CAMKMT: variants seen among roughly 807,000 people sequenced by gnomAD.
CAMKMT encodes CaM KMT.
Under a neutral mutation model 48.0 loss-of-function variants are expected in CAMKMT, and 53 were observed. The observed-to-expected ratio is 1.10, with a 90% CI of 0.89 to 1.39. The LOEUF (loss-of-function observed/expected upper bound fraction) is 1.39. CAMKMT is among the 40% of genes most tolerant of loss of function. CAMKMT has a pLI of 0.00. For synonymous variants in CAMKMT, 165 were observed against 152.3 expected, an observed-to-expected ratio of 1.08 and a Z score of -0.61; for missense variants, 428 against 402.7, an observed-to-expected ratio of 1.06 and a Z score of -0.54.
intron 3 of CAMKMT, among the ~76,000 whole-genome samples, chr2:44,569,424 A>G (rs1668789505): frequency 6.6e-6 from 1 of 152,120 alleles, no homozygotes; most frequent in Non-Finnish European, 1.5e-5. Flanking sequence ...TCTGAAAATC[A>G]TTTTCTTTTT....
At chr2:44,625,936 A>G (rs1672456506) in intron 3 of CAMKMT, among the ~76,000 whole-genome samples, 1 of 152,176 alleles carries the variant, frequency 6.6e-6, no homozygotes, top group East Asian at 1.9e-4. Flanking sequence ...TAAATCAGGT[A>G]CTGTAAGTCA....
intron 1 of CAMKMT, among the ~76,000 whole-genome samples, chr2:44,368,254 G>A (rs1043119116): frequency 2.6e-5 from 4 of 152,142 alleles, no homozygotes; most frequent in Admixed American, 6.5e-5. Flanking sequence ...ATGGGTATTT[G>A]AAGGAGGTCT....
intron 3 of CAMKMT, among the ~76,000 whole-genome samples, chr2:44,694,545 A>G (rs1194722171): frequency 6.6e-6 from 1 of 152,224 alleles, no homozygotes; most frequent in East Asian, 1.9e-4. Flanking sequence ...CCTGGCTGAC[A>G]GAGTGAGATC....
chr2:44,497,523 C>T (rs1669804456), intron 3 of CAMKMT, among the ~76,000 whole-genome samples: 1 of 151,916 alleles, frequency 6.6e-6, no homozygotes, highest in Non-Finnish European at 1.5e-5. Context: ...AAAAAACAAA[C>T]ATATTTGTAT....
chr2:44,715,387 T>C, intron 7 of CAMKMT, 34 bp downstream of exon 7: 1 of 1,510,430 alleles, frequency 6.6e-7, no homozygotes. Flanking sequence ...AAATTCCCAT[T>C]GAAATTGCTT....
chr2:44,526,569 C>G (rs1410214200), intron 3 of CAMKMT, among the ~76,000 whole-genome samples: 2 of 152,166 alleles, frequency 1.3e-5, no homozygotes, highest in African/African-American at 4.8e-5. Context: ...TCCGAAGGTC[C>G]AAGAACTGGG....
chr2:44,492,970 T>C, intron 3 of CAMKMT, among the ~76,000 whole-genome samples: 1 of 151,606 alleles, frequency 6.6e-6, no homozygotes. Context: ...CTTAGCTCAC[T>C]GCAACCTCCA....
intron 2 of CAMKMT, among the ~76,000 whole-genome samples, chr2:44,385,523 G>A (rs1680705345): frequency 6.6e-6 from 1 of 151,538 alleles, no homozygotes; most frequent in South Asian, 2.1e-4. Context: ...GAAGAGCAGT[G>A]GTGAGAGTGG....
At chr2:44,540,412 C>T (rs1462204418) in intron 3 of CAMKMT, among the ~76,000 whole-genome samples, 1 of 152,094 alleles carries the variant, frequency 6.6e-6, no homozygotes, top group African/African-American at 2.4e-5. Flanking sequence ...ACCAGTGAGT[C>T]CTCCAGGGAA....
At chr2:44,722,644 A>G (rs1678534959) in intron 7 of CAMKMT, among the ~76,000 whole-genome samples, 3 of 152,310 alleles carry the variant, frequency 2.0e-5, no homozygotes, top group African/African-American at 4.8e-5. Flanking sequence ...ACTGCACTTG[A>G]AAGTATGTAA....
chr2:44,730,763 A>C (rs1213821748), intron 7 of CAMKMT, among the ~76,000 whole-genome samples: 2 of 152,238 alleles, frequency 1.3e-5, no homozygotes, highest in Non-Finnish European at 2.9e-5. Context: ...TAAACACTGT[A>C]AATGACTTGA....
At chr2:44,372,686 A>T in intron 1 of CAMKMT, 30 bp from the exon 2 acceptor site, 2 of 1,597,712 alleles carry the variant, frequency 1.3e-6, no homozygotes, top group Non-Finnish European at 1.7e-6. Context: ...TTTAGATAAC[A>T]TGACTGCAAT....
At chr2:44,512,284 C>T (rs1485092376) in intron 3 of CAMKMT, among the ~76,000 whole-genome samples, 1 of 152,204 alleles carries the variant, frequency 6.6e-6, no homozygotes, top group Non-Finnish European at 1.5e-5. Flanking sequence ...GTTCACCTTT[C>T]TGTTTCTCAT....
rs570054635 is a variant in CAMKMT, at chr2:44,590,750, T to TA, written c.377-113532dup. On this transcript the variant is annotated intron_variant, in intron 3 of 10. Transcript: ENST00000378494. Reference sequence around the variant, plus strand: ...TTTCTTTTGCTGTGCAGAAGCTCTTTAGTTTAATGAGATCCCATTTGTCAA... The same window carrying TA: ...TTTCTTTTGCTGTGCAGAAGCTCTTTAAGTTTAATGAGATCCCATTTGTCAA... Among the ~76,000 whole-genome samples, 1,114 of 152,290 alleles carry TA rather than the reference T, an allele frequency of 7.3e-3. 9 individuals carry two copies. Among genetic ancestry groups the TA allele is most frequent in the South Asian group, 0.024 (116 of 4,826 alleles).
chr2:44,610,912 A>G (rs1052664408), intron 3 of CAMKMT, among the ~76,000 whole-genome samples: 1 of 152,200 alleles, frequency 6.6e-6, no homozygotes, highest in Non-Finnish European at 1.5e-5. Context: ...CCCTCAAGTC[A>G]TGAGAATGGA....
intron 3 of CAMKMT, among the ~76,000 whole-genome samples, chr2:44,454,067 G>C (rs1383136517): frequency 1.3e-5 from 2 of 152,052 alleles, no homozygotes; most frequent in East Asian, 3.8e-4. Context: ...TAAGGAGACG[G>C]TAACATCTGA....
chr2:44,593,882 G>C (rs1670480080), intron 3 of CAMKMT, among the ~76,000 whole-genome samples: 1 of 148,884 alleles, frequency 6.7e-6, no homozygotes, highest in Non-Finnish European at 1.5e-5. Flanking sequence ...TCCTGCCTCA[G>C]CCTCCCAAGT....
At chr2:44,762,888 C>T (rs377030317) in intron 9 of CAMKMT, among the ~76,000 whole-genome samples, 33 of 152,234 alleles carry the variant, frequency 2.2e-4, no homozygotes, top group South Asian at 4.2e-4. Context: ...ATTCATTCTG[C>T]GTTTAAAATA....
At chr2:44,380,564 G>C (rs1680136672) in intron 2 of CAMKMT, among the ~76,000 whole-genome samples, 1 of 152,028 alleles carries the variant, frequency 6.6e-6, no homozygotes, top group Admixed American at 6.6e-5. Context: ...CAGTGAAAAA[G>C]AACAGTCCTT....
Sources: allele counts gnomAD v4.1 joint callset (sites outside exome capture counted in the v4.1 genomes callset), GRCh38; gene constraint gnomAD v4.1.1; transcripts MANE v1.5; gene names NCBI Gene and HGNC (gene_info 2026-07-23, HGNC 2026-07-21).